Variants in KAZN observed in about 807,000 individuals in gnomAD.
The protein encoded by KAZN is kazrin, periplakin interacting protein, also known as kazrin.
Under a neutral mutation model 87.4 loss-of-function variants are expected in KAZN, and 40 were observed. The ratio of observed to expected loss-of-function variants is 0.46; its 90% CI spans 0.36 to 0.60. KAZN has a LOEUF of 0.60. Among genes scored for constraint, KAZN ranks in the 20% least tolerant of loss-of-function variants. The pLI, the probability that KAZN is intolerant of heterozygous loss-of-function variation, is 0.00. For missense variants in KAZN, 898 were observed against 1,073.9 expected (o/e 0.84, Z 2.29); for synonymous variants, 466 against 458.3 (o/e 1.02, Z -0.22).
At chr1:14,807,028 G>T (rs1364685391) in intron 1 of KAZN, among the ~76,000 whole-genome samples, 3 of 152,202 alleles carry the variant, frequency 2.0e-5, no homozygotes, top group Non-Finnish European at 4.4e-5. Context: ...TTGGCAGGAG[G>T]CAGAGGCCAC....
At chr1:14,809,266 G>T (rs1320537688) in intron 1 of KAZN, among the ~76,000 whole-genome samples, 2 of 152,224 alleles carry the variant, frequency 1.3e-5, no homozygotes, top group Non-Finnish European at 2.9e-5. Context: ...GGTCATCAGT[G>T]CTGTGTGATG....
chr1:14,350,146 A>G (rs1178478666), intron 2 of KAZN, among the ~76,000 whole-genome samples: 1 of 151,368 alleles, frequency 6.6e-6, no homozygotes, highest in East Asian at 2.0e-4. Context: ...AAAAAAAAAA[A>G]AAAAAAGTGA....
At chr1:14,649,138 G>C (rs959362569) in intron 1 of KAZN, among the ~76,000 whole-genome samples, 9 of 152,312 alleles carry the variant, frequency 5.9e-5, no homozygotes, top group African/African-American at 2.2e-4. Flanking sequence ...TTAATGCCCT[G>C]GTGGTGGCCA....
intron 4 of KAZN, among the ~76,000 whole-genome samples, chr1:15,049,294 C>T (rs1389183024): frequency 6.6e-6 from 1 of 152,238 alleles, no homozygotes; most frequent in Non-Finnish European, 1.5e-5. Flanking sequence ...CTCACACGGA[C>T]CTCGCTGCTG....
chr1:14,821,245 A>G (rs994136284), intron 1 of KAZN, among the ~76,000 whole-genome samples: 32 of 152,078 alleles, frequency 2.1e-4, no homozygotes, highest in Non-Finnish European at 2.9e-5. Flanking sequence ...TTCAAGAGGT[A>G]ATTACCGCCT....
At chr1:14,840,843 G>C (rs762642601) in intron 1 of KAZN, among the ~76,000 whole-genome samples, 3 of 152,198 alleles carry the variant, frequency 2.0e-5, no homozygotes, top group Non-Finnish European at 2.9e-5. Context: ...CCATGTGCCA[G>C]ATACTATTAG....
chr1:14,868,876 T>C (rs571400989), intron 1 of KAZN, among the ~76,000 whole-genome samples: 2 of 151,918 alleles, frequency 1.3e-5, no homozygotes, highest in East Asian at 3.9e-4. Flanking sequence ...AAAATAATAA[T>C]AAATAATCCG....
intron 1 of KAZN, among the ~76,000 whole-genome samples, chr1:14,700,486 A>G (rs1054814291): frequency 2.8e-4 from 42 of 150,700 alleles, no homozygotes; most frequent in African/African-American, 1.0e-3. Flanking sequence ...AAAAAAAAAT[A>G]GTCAGAGGCT....
intron 1 of KAZN, among the ~76,000 whole-genome samples, chr1:14,815,419 C>T (rs1398771939): frequency 6.6e-6 from 1 of 152,172 alleles, no homozygotes; most frequent in Non-Finnish European, 1.5e-5. Flanking sequence ...GCAGCGTCAC[C>T]TGTGAACAAT....
chr1:14,561,016 C>G (rs990801051), intron 2 of KAZN, among the ~76,000 whole-genome samples: 6 of 152,142 alleles, frequency 3.9e-5, no homozygotes, highest in East Asian at 1.9e-4. Context: ...CACAAGCCCT[C>G]CCTGTCTAAG....
intron 1 of KAZN, among the ~76,000 whole-genome samples, chr1:13,948,588 G>C (rs1641231111): frequency 6.6e-6 from 1 of 152,118 alleles, no homozygotes; most frequent in South Asian, 2.1e-4. Context: ...GTGGGGAAAG[G>C]GGGCAGTGGA....
At chr1:14,261,990 A>G (rs1016461366) in intron 2 of KAZN, among the ~76,000 whole-genome samples, 16 of 152,200 alleles carry the variant, frequency 1.1e-4, no homozygotes, top group African/African-American at 3.9e-4. Flanking sequence ...GACACATAGA[A>G]GAACCCTGAG....
chr1:15,066,154 TG>T lies in KAZN; in HGVS notation c.1222+402del. On this transcript the variant is annotated intron_variant, in intron 8 of 14. Transcript: ENST00000376030. The surrounding 1 kb of genome is among the most constrained non-coding windows in gnomAD (Gnocchi z 4.3). ...TGGTTCGTCGGTTTGTTTTTGTTTT[TG>T]TTTTTTTCCCCCTTTCTCCTCCCCT... is the stretch of plus-strand genomic sequence containing the variant. 1 of 1,034,498 alleles carries T rather than the reference TG, an allele frequency of 9.7e-7. No individual in the cohort carries two copies. Among genetic ancestry groups the T allele is most frequent in the Non-Finnish European group, 1.2e-6 (1 of 862,194 alleles). 64.1% of individuals were successfully genotyped at this position (1,034,498 alleles called of 1,614,324 possible).
rs79263525 is a variant in KAZN, at chr1:14,953,751, G to A, written c.227-6933G>A. On this transcript the variant is annotated intron_variant, in intron 1 of 14. Coordinates refer to ENST00000376030, the MANE Select transcript of KAZN (RefSeq NM_201628.3). ...AAGAGTCTTAGCAGTCTGAGAGGTC[G>A]CCTTCTGTTAAAAGGTGGCTGCTGT... 3.7e-3 allele frequency among the ~76,000 whole-genome samples: 559 copies of A among 152,206 alleles called. 3 individuals carry two copies. Among genetic ancestry groups the A allele is most frequent in the African/African-American group, 0.013 (536 of 41,506 alleles).
At chr1:14,587,530 A>G (rs1675930832) in intron 2 of KAZN, among the ~76,000 whole-genome samples, 1 of 151,844 alleles carries the variant, frequency 6.6e-6, no homozygotes. Context: ...GTGAGGCCTC[A>G]GGAAGCTTAC....
At chr1:14,775,972 G>A (rs1284186583) in intron 1 of KAZN, among the ~76,000 whole-genome samples, 1 of 152,146 alleles carries the variant, frequency 6.6e-6, no homozygotes, top group African/African-American at 2.4e-5. Context: ...TGATCACTGC[G>A]ACCCTCTCCT....
intron 1 of KAZN, among the ~76,000 whole-genome samples, chr1:14,013,480 T>A (rs1640416782): frequency 6.6e-6 from 1 of 152,134 alleles, no homozygotes; most frequent in African/African-American, 2.4e-5. Flanking sequence ...GTTGTTTTGC[T>A]TTTTCCCTTG....
At chr1:15,037,548 T>C (rs977807203) in intron 3 of KAZN, among the ~76,000 whole-genome samples, 5 of 152,116 alleles carry the variant, frequency 3.3e-5, no homozygotes, top group Non-Finnish European at 7.3e-5. Flanking sequence ...TCCCGGGGCA[T>C]GGAAAGCAAG....
chr1:14,976,557 A>G (rs1326415030), intron 2 of KAZN, among the ~76,000 whole-genome samples: 1 of 152,118 alleles, frequency 6.6e-6, no homozygotes, highest in African/African-American at 2.4e-5. Flanking sequence ...GCGTGAACCC[A>G]TGGGTTCCAG....
Sources: gnomAD v4.1 joint callset for allele counts (sites outside exome capture counted in the v4.1 genomes callset) on GRCh38, gnomAD v4.1.1 for gene constraint, Gnocchi (gnomAD v3.1) non-coding constraint, MANE v1.5 for transcripts, NCBI Gene and HGNC (gene_info 2026-07-23, HGNC 2026-07-21) for gene names.